CCDC6: variants seen among roughly 807,000 people sequenced by gnomAD.
CCDC6 encodes coiled-coil domain-containing protein 6.
In CCDC6, 20 loss-of-function variants were observed where a neutral mutation model predicts 56.6. That is an observed-to-expected ratio of 0.35 (90% confidence interval 0.25 to 0.51). CCDC6 has a LOEUF of 0.51. Among genes scored for constraint, CCDC6 ranks in the 20% least tolerant of loss-of-function variants. The probability of loss-of-function intolerance (pLI) is 0.95; values close to 1 mark genes in which losing one functional copy is unlikely to be tolerated. For synonymous variants in CCDC6, 241 were observed against 234.4 expected (o/e 1.03, Z -0.26); for missense variants, 367 against 601.1 (o/e 0.61, Z 4.07).
At chr10:59,892,066 T>C (rs2071426084) in intron 1 of CCDC6, among the ~76,000 whole-genome samples, 1 of 152,202 alleles carries the variant, frequency 6.6e-6, no homozygotes, top group African/African-American at 2.4e-5. Flanking sequence ...AGTCAGTCCA[T>C]TTCAAAGATT....
At chr10:59,799,303 G>A (rs541308692) in intron 7 of CCDC6, among the ~76,000 whole-genome samples, 2 of 151,980 alleles carry the variant, frequency 1.3e-5, no homozygotes, top group Admixed American at 6.6e-5. Flanking sequence ...ATGGTGGCGG[G>A]TGCCTGTAAT....
In CCDC6 at chr10:59,906,360, G is replaced by C. The variant is rs1169861908; in HGVS notation, c.65C>G (p.Ala22Gly). 6.3e-7 allele frequency: 1 copy of C among 1,595,510 alleles called. No individual in the cohort carries two copies. The highest frequency in any genetic ancestry group is 1.1e-5 in the South Asian group (1 of 90,776). ...GAGGNSSSSA[A>G]MQSSCSSTSG... ...GGTCGACGAGCAGGACGACTGCATG[G>C]CGGCCGAGCTGCTGCTGTTGCCCCC... Residue 22 changes from alanine to glycine, a missense_variant, in exon 1 of 9, where the codon GCC becomes GGC. Ala to Gly is a moderately conservative substitution (Grantham distance 60, BLOSUM62 0). This residue lies in a region of CCDC6 where 79 missense variants were observed against 74.9 expected (regional missense o/e 1.05). Coordinates refer to ENST00000263102, the MANE Select transcript of CCDC6 (RefSeq NM_005436.5).
intron 7 of CCDC6, among the ~76,000 whole-genome samples, chr10:59,798,991 CAAAAAAAAAAAAA>C (rs34505959): frequency 2.6e-4 from 20 of 76,982 alleles, no homozygotes; most frequent in African/African-American, 5.7e-4. Context: ...AAGACTGTTT[CAAAAAAAAAAAAA>C]AAAAAAAAAA....
intron 1 of CCDC6, among the ~76,000 whole-genome samples, chr10:59,889,802 C>T (rs892089929): frequency 6.6e-6 from 1 of 152,142 alleles, no homozygotes; most frequent in African/African-American, 2.4e-5. Flanking sequence ...TTCTTGGTGA[C>T]CGCAGCCCCT....
chr10:59,816,631 T>C lies in CCDC6; in HGVS notation c.583-1876A>G, dbSNP rs551285706. ...TCATTGGATTACAGTGAGCATTACA[T>C]TTGTAAATCTAGGTAAACCATTGAT... On this transcript the variant is annotated intron_variant, in intron 3 of 8. Transcript: ENST00000263102. 3.9e-5 allele frequency among the ~76,000 whole-genome samples: 6 copies of C among 152,348 alleles called. No individual in the cohort carries two copies. In the South Asian group the frequency reaches 1.0e-3, roughly 26 times the overall value.
intron 3 of CCDC6, among the ~76,000 whole-genome samples, chr10:59,832,189 T>C (rs1050475154): frequency 2.6e-5 from 4 of 152,244 alleles, no homozygotes; most frequent in Non-Finnish European, 2.9e-5. Flanking sequence ...CATAGCAACA[T>C]TGTCTTAGGA....
chr10:59,806,452 C>G (rs10509113), intron 6 of CCDC6: 15,487 of 152,486 alleles, frequency 0.1, 1,253 homozygotes, highest in African/African-American at 0.22. Context: ...CAAAAGTTAT[C>G]AAGTGTGTTA....
intron 2 of CCDC6, among the ~76,000 whole-genome samples, chr10:59,834,065 A>G (rs2070858611): frequency 6.6e-6 from 1 of 152,172 alleles, no homozygotes; most frequent in Non-Finnish European, 1.5e-5. Context: ...ATAGAAAAAA[A>G]GCCACGTATG....
chr10:59,811,643 A>G (rs2070672598), intron 5 of CCDC6, among the ~76,000 whole-genome samples: 1 of 152,128 alleles, frequency 6.6e-6, no homozygotes, highest in Non-Finnish European at 1.5e-5. Flanking sequence ...GTCCCTCAGA[A>G]CCTGTGAATC....
intron 1 of CCDC6, among the ~76,000 whole-genome samples, chr10:59,889,652 T>C (rs2071407387): frequency 1.3e-5 from 2 of 152,116 alleles, no homozygotes; most frequent in African/African-American, 4.8e-5. Context: ...CATCTCCCAG[T>C]TTCCAAAGTA....
chr10:59,876,764 A>T (rs1345087246), intron 1 of CCDC6, among the ~76,000 whole-genome samples: 1 of 152,242 alleles, frequency 6.6e-6, no homozygotes, highest in Non-Finnish European at 1.5e-5. Flanking sequence ...GGCAGAGTTT[A>T]TCTCAGCAGT....
At position 59,888,696 on chromosome 10, in the gene CCDC6, T is replaced by C. The variant is rs543155563; in HGVS notation, c.303+17426A>G. Reference sequence around the variant, plus strand: ...AAATTGCTAATTTTGTCTGGTATGATAATGGTATGGTGGTTATAAAGTCCT... The same window carrying C: ...AAATTGCTAATTTTGTCTGGTATGACAATGGTATGGTGGTTATAAAGTCCT... On this transcript the variant is annotated intron_variant, in intron 1 of 8. Coordinates refer to ENST00000263102, the MANE Select transcript of CCDC6 (RefSeq NM_005436.5). 2.4e-3 allele frequency among the ~76,000 whole-genome samples: 362 copies of C among 152,336 alleles called. 5 individuals are homozygous for C. Among genetic ancestry groups the C allele is most frequent in the Non-Finnish European group, 3.8e-3 (257 of 68,038 alleles).
In CCDC6 at chr10:59,888,674, T is replaced by C. The variant is rs1311665301; in HGVS notation, c.303+17448A>G. 2.6e-5 allele frequency among the ~76,000 whole-genome samples: 4 copies of C among 152,254 alleles called. No individual in the cohort carries two copies. The East Asian group carries it at 5.8e-4, about 22-fold the overall frequency. On this transcript the variant is annotated intron_variant, in intron 1 of 8. Coordinates refer to ENST00000263102, the MANE Select transcript of CCDC6 (RefSeq NM_005436.5). ...AAACACTAATTTGCCAGGGGAAAAA[T>C]TGCTAATTTTGTCTGGTATGATAAT...
At chr10:59,812,463 C>CAA (rs11408656) in intron 5 of CCDC6, among the ~76,000 whole-genome samples, 172 bp downstream of exon 5, 3,916 of 141,938 alleles carry the variant, frequency 0.028, 74 homozygotes, top group Middle Eastern at 0.046. Flanking sequence ...CTATAACACT[C>CAA]AAAAAAAAAA....
chr10:59,872,557 C>T (rs1002317352), intron 1 of CCDC6, among the ~76,000 whole-genome samples: 2 of 152,154 alleles, frequency 1.3e-5, no homozygotes, highest in Non-Finnish European at 2.9e-5. Flanking sequence ...AGACACACTG[C>T]TTTAACTATA....
chr10:59,852,777 T>C lies in CCDC6; in HGVS notation c.304-75A>G, dbSNP rs539942450. ...AACAGGAAATTTACTAATTGAAATA[T>C]AGTTCTTATTTCCAGAAAGGGTACC... On this transcript the variant is annotated intron_variant, in intron 1 of 8. Coordinates refer to ENST00000263102, the MANE Select transcript of CCDC6 (RefSeq NM_005436.5). 156 of 1,190,720 alleles carry C rather than the reference T, an allele frequency of 1.3e-4. No individual in the cohort carries two copies. In the African/African-American group the frequency reaches 2.1e-3, roughly 16 times the overall value. 73.8% of individuals were successfully genotyped at this position (1,190,720 alleles called of 1,614,324 possible). A position where few individuals can be genotyped will look rare whatever the true frequency, so the allele number is the denominator to read the frequency against.
chr10:59,879,694 C>T (rs566695389), intron 1 of CCDC6, among the ~76,000 whole-genome samples: 54 of 152,278 alleles, frequency 3.5e-4, no homozygotes, highest in African/African-American at 1.2e-3. Context: ...ATCACAGAAT[C>T]GCTCCCACTT....
chr10:59,873,099 A>G (rs1244051668), intron 1 of CCDC6, among the ~76,000 whole-genome samples: 4 of 151,976 alleles, frequency 2.6e-5, no homozygotes, highest in African/African-American at 9.7e-5. Flanking sequence ...TGCTGTTTCA[A>G]TCCTCTGGCG....
chr10:59,852,583 G>A lies in CCDC6; in HGVS notation c.423C>T (p.Leu141=), dbSNP rs1251960895. The change falls in exon 2 of 9, where the codon CTC becomes CTT. Residue 141 remains leucine, a synonymous_variant. Transcript: ENST00000263102. ...AVNYEKEEEF[L]TNELSRKLMQ... is the part of the protein sequence containing the mutation. Reference sequence around the variant, plus strand: ...TCAATTTTCTGGAGAGCTCATTAGTGAGGAATTCTTCTTCTTTCTCATAAT... The same window carrying A: ...TCAATTTTCTGGAGAGCTCATTAGTAAGGAATTCTTCTTCTTTCTCATAAT... 2 of 1,598,048 alleles carry A rather than the reference G, an allele frequency of 1.3e-6. No individual in the cohort carries two copies. The highest frequency in any genetic ancestry group is 1.4e-5 in the African/African-American group (1 of 73,666).
Sources: gnomAD v4.1 joint callset for allele counts (sites outside exome capture counted in the v4.1 genomes callset) on GRCh38, gnomAD v4.1.1 for gene constraint, gnomAD v4.1.1 regional missense constraint, MANE v1.5 for transcripts, NCBI Gene and HGNC (gene_info 2026-07-23, HGNC 2026-07-21) for gene names.